VCF1: variants seen among roughly 807,000 people sequenced by gnomAD.
VCF1 encodes the protein VCP nuclear cofactor family member 1, also known as protein VCF1.
chr17:73,229,867 C>CAA, the VCF1 span, among the ~76,000 whole-genome samples: 2,052 of 22,566 alleles, frequency 0.091, 553 homozygotes, highest in Non-Finnish European at 0.11. Flanking sequence ...GACTCCATCT[C>CAA]AAAAAAAAAA....
At chr17:73,216,164 G>A in the VCF1 span, among the ~76,000 whole-genome samples, 2 of 152,082 alleles carry the variant, frequency 1.3e-5, no homozygotes, top group Non-Finnish European at 2.9e-5. Context: ...CCTACTGGGA[G>A]CTTTCCTAAT....
At chr17:73,229,725 G>A in the VCF1 span, 2 of 279,518 alleles carry the variant, frequency 7.2e-6, no homozygotes, top group Non-Finnish European at 1.1e-5. Flanking sequence ...AGAGTTAGCA[G>A]GGCGTGGTGG....
the VCF1 span, among the ~76,000 whole-genome samples, chr17:73,224,654 A>AT: frequency 6.6e-6 from 1 of 152,198 alleles, no homozygotes; most frequent in Admixed American, 6.5e-5. Flanking sequence ...CCTAAACTTG[A>AT]TTTTTTGCTG....
the VCF1 span, among the ~76,000 whole-genome samples, chr17:73,221,109 G>C: frequency 6.6e-6 from 1 of 150,974 alleles, no homozygotes; most frequent in African/African-American, 2.5e-5. Context: ...ATGTTGGTCA[G>C]GCTGGTCTCG....
At chr17:73,221,810 C>T in the VCF1 span, among the ~76,000 whole-genome samples, 7 of 151,734 alleles carry the variant, frequency 4.6e-5, no homozygotes, top group Non-Finnish European at 7.4e-5. Context: ...CCGAGGCGGG[C>T]GGATCATGAG....
chr17:73,209,796 C>T, the VCF1 span: 2 of 1,537,058 alleles, frequency 1.3e-6, no homozygotes, highest in Non-Finnish European at 1.7e-6. Context: ...GAAACAGGGT[C>T]ACAATAAGGC....
chr17:73,216,421 G>A, the VCF1 span, among the ~76,000 whole-genome samples: 2 of 152,200 alleles, frequency 1.3e-5, no homozygotes, highest in East Asian at 3.9e-4. Context: ...CAGAGAGTAA[G>A]GGAGGGAAGG....
chr17:73,224,840 C>CACAGG, the VCF1 span, among the ~76,000 whole-genome samples: 17 of 130,110 alleles, frequency 1.3e-4, no homozygotes, highest in African/African-American at 3.7e-4. Context: ...CACAGCACAG[C>CACAGG]ACAGGACAGG....
the VCF1 span, among the ~76,000 whole-genome samples, chr17:73,221,415 A>G: frequency 2.0e-5 from 3 of 151,274 alleles, no homozygotes; most frequent in African/African-American, 7.4e-5. Flanking sequence ...AAAAGACTAG[A>G]CCCTAAAAAA....
the VCF1 span, chr17:73,232,335 G>C: frequency 1.9e-6 from 3 of 1,538,658 alleles, no homozygotes; most frequent in African/African-American, 1.4e-5. Context: ...CCGCCCTCTC[G>C]CGGCTGCGCA....
At chr17:73,209,892 A>G in the VCF1 span, 2 of 1,389,250 alleles carry the variant, frequency 1.4e-6, no homozygotes, top group Admixed American at 4.8e-5. Flanking sequence ...ATGAAGACAT[A>G]TACTGGGCTT....
At chr17:73,211,452 C>T in the VCF1 span, among the ~76,000 whole-genome samples, 4 of 152,006 alleles carry the variant, frequency 2.6e-5, no homozygotes, top group African/African-American at 9.7e-5. Flanking sequence ...GGCTGTAATC[C>T]CAGCTACTAG....
At chr17:73,218,333 A>C in the VCF1 span, among the ~76,000 whole-genome samples, 1 of 152,258 alleles carries the variant, frequency 6.6e-6, no homozygotes, top group East Asian at 1.9e-4. Context: ...ATAAATAAGC[A>C]AGGAAAGAAA....
chr17:73,222,444 A>C, the VCF1 span, among the ~76,000 whole-genome samples: 1 of 152,110 alleles, frequency 6.6e-6, no homozygotes, highest in Admixed American at 6.6e-5. Context: ...GCTTCTAGAT[A>C]AAAAGAGAAG....
chr17:73,225,782 T>G, the VCF1 span, among the ~76,000 whole-genome samples: 1 of 150,504 alleles, frequency 6.6e-6, no homozygotes, highest in Non-Finnish European at 1.5e-5. Flanking sequence ...ATCCCTGAGA[T>G]TCCCAACTAT....
chr17:73,222,164 C>T, the VCF1 span, among the ~76,000 whole-genome samples: 1 of 149,408 alleles, frequency 6.7e-6, no homozygotes, highest in Non-Finnish European at 1.5e-5. Flanking sequence ...CACCACGGCA[C>T]TCCTGCCTAG....
the VCF1 span, among the ~76,000 whole-genome samples, chr17:73,225,894 TA>T: frequency 1.4e-5 from 1 of 72,670 alleles, no homozygotes; most frequent in African/African-American, 5.5e-5. Flanking sequence ...TATATATATA[TA>T]TATATTTTTT....
the VCF1 span, among the ~76,000 whole-genome samples, chr17:73,217,596 G>A: frequency 6.6e-6 from 1 of 152,124 alleles, no homozygotes; most frequent in African/African-American, 2.4e-5. Flanking sequence ...GTTGCAGTGA[G>A]CTGAGATCGT....
the VCF1 span, chr17:73,208,379 T>C: frequency 3.7e-6 from 6 of 1,614,130 alleles, no homozygotes; most frequent in Non-Finnish European, 5.1e-6. Context: ...TCAGACAGCT[T>C]GTCAGTGAAG....
Sources: allele counts gnomAD v4.1 joint callset (sites outside exome capture counted in the v4.1 genomes callset), GRCh38; gene constraint gnomAD v4.1.1; transcripts MANE v1.5; gene names NCBI Gene and HGNC (gene_info 2026-07-23, HGNC 2026-07-21).